The following GBGT1 variants were observed in gnomAD, a reference collection of about 807,000 sequenced individuals.
GBGT1 encodes globoside alpha-1,3-N-acetylgalactosaminyltransferase 1.
In GBGT1, 18 loss-of-function variants were observed where a neutral mutation model predicts 20.9. The ratio of observed to expected loss-of-function variants is 0.86; its 90% confidence interval spans 0.60 to 1.28. The LOEUF (loss-of-function observed/expected upper bound fraction) is 1.28, where lower values mean the gene tolerates loss of function less well. GBGT1 is among the 50% of genes most tolerant of loss of function. GBGT1 has a pLI of 0.00. For missense variants in GBGT1, 432 were observed against 455.7 expected, an observed-to-expected ratio of 0.95 and a Z score of 0.47; for synonymous variants, 168 against 180.8, an observed-to-expected ratio of 0.93 and a Z score of 0.57.
At chr9:133,159,547 C>T (rs1281067003) in intron 3 of GBGT1, among the ~76,000 whole-genome samples, 16 of 152,194 alleles carry the variant, frequency 1.1e-4, no homozygotes, top group African/African-American at 3.6e-4. Context: ...CCCGCAATCC[C>T]GGCAGGGGCG....
intron 2 of GBGT1, 23 bp from the exon 3 acceptor site, chr9:133,161,555 A>C: frequency 1.3e-6 from 2 of 1,560,820 alleles, no homozygotes; most frequent in Non-Finnish European, 1.8e-6. Flanking sequence ...AAAAGAAAAA[A>C]AATCTGTTGA....
intron 3 of GBGT1, among the ~76,000 whole-genome samples, chr9:133,156,960 G>A (rs1588586275): frequency 2.0e-5 from 3 of 152,288 alleles, no homozygotes; most frequent in Admixed American, 2.0e-4. Flanking sequence ...ACCTGGGTGG[G>A]ACCGATCCAA....
chr9:133,159,988 TA>T (rs61385460), intron 3 of GBGT1: 6,184 of 133,028 alleles, frequency 0.046, 219 homozygotes, highest in African/African-American at 0.11. Flanking sequence ...CTAGTAATAA[TA>T]AAAAAAAAAA....
chr9:133,162,207 G>A (rs1833071384), intron 2 of GBGT1, 135 bp downstream of exon 2: 3 of 510,818 alleles, frequency 5.9e-6, no homozygotes, highest in Middle Eastern at 5.0e-4. Flanking sequence ...AGAGACAGGG[G>A]GAGTCCTGGG....
chr9:133,155,085 G>C, intron 6 of GBGT1, 93 bp downstream of exon 6: 1 of 1,174,566 alleles, frequency 8.5e-7, no homozygotes, highest in Non-Finnish European at 1.2e-6. Context: ...TGCCCAGCAG[G>C]GTCCTGTGTG....
intron 1 of GBGT1, 121 bp from the exon 2 acceptor site, chr9:133,162,653 G>A: frequency 3.7e-6 from 2 of 535,380 alleles, no homozygotes; most frequent in Non-Finnish European, 6.7e-6. Flanking sequence ...CGATTCTCTT[G>A]TCTCAGCCTC....
chr9:133,160,362 G>A (rs1048006852), intron 3 of GBGT1: 7 of 151,950 alleles, frequency 4.6e-5, no homozygotes, highest in African/African-American at 1.7e-4. Flanking sequence ...CAATCAGCAA[G>A]GTAGGTTCAT....
In GBGT1 at chr9:133,161,549, G is replaced by GA. The variant is rs1833044358; in HGVS notation, c.72-18dup. On this transcript the variant is annotated splice_polypyrimidine_tract_variant and intron_variant, in intron 2 of 6. Transcript: ENST00000372040. ...AGATACACCCTGTGAATAAAAAAAA[G>GA]AAAAAAAATCTGTTGATCCACTCTG... The GA allele has an allele frequency of 1.7e-5, 26 of 1,571,026 alleles. No individual in the cohort carries two copies. Among genetic ancestry groups the GA allele is most frequent in the Middle Eastern group, 1.7e-4 (1 of 5,916 alleles).
At chr9:133,158,397 G>C (rs1016297733) in intron 3 of GBGT1, among the ~76,000 whole-genome samples, 1 of 152,124 alleles carries the variant, frequency 6.6e-6, no homozygotes, top group African/African-American at 2.4e-5. Flanking sequence ...TCCCACACCA[G>C]CACCCTGAGG....
chr9:133,155,121 C>T, intron 6 of GBGT1, 57 bp downstream of exon 6: 3 of 1,540,248 alleles, frequency 1.9e-6, no homozygotes, highest in Non-Finnish European at 2.7e-6. Flanking sequence ...CTCTTCCCAA[C>T]TATAAACTCC....
chr9:133,157,054 C>T (rs570444359), intron 3 of GBGT1, among the ~76,000 whole-genome samples: 4 of 152,270 alleles, frequency 2.6e-5, no homozygotes, highest in South Asian at 2.1e-4. Flanking sequence ...GGGCCCAACG[C>T]GGGCAAAGCG....
intron 5 of GBGT1, 43 bp downstream of exon 5, chr9:133,155,858 G>T: frequency 1.2e-6 from 2 of 1,605,072 alleles, no homozygotes; most frequent in South Asian, 1.1e-5. Context: ...GAGCTCTTTT[G>T]TCCTTTTCCC....
chr9:133,155,348 C>T, intron 5 of GBGT1, 36 bp from the exon 6 acceptor site: 2 of 1,612,182 alleles, frequency 1.2e-6, no homozygotes, highest in African/African-American at 1.3e-5. Context: ...TGAGACCCTC[C>T]CCTGTGAAAG....
At chr9:133,158,381 C>T (rs1448863736) in intron 3 of GBGT1, among the ~76,000 whole-genome samples, 2 of 152,036 alleles carry the variant, frequency 1.3e-5, no homozygotes, top group Non-Finnish European at 2.9e-5. Context: ...TGAGCTCAAG[C>T]GGTCCTCCCA....
rs199706404 is a variant in GBGT1 at position 133,162,344 on chromosome 9, C to T, written c.69G>A (p.Leu23=). 51 of 1,610,392 alleles carry T rather than the reference C, an allele frequency of 3.2e-5. No homozygotes were observed. In the African/African-American group the frequency reaches 5.7e-4, roughly 18 times the overall value. The change falls in exon 2 of 7, where the codon CTG becomes CTA. Residue 23 remains leucine, a splice_region_variant and synonymous_variant. Coordinates refer to ENST00000372040, the MANE Select transcript of GBGT1 (RefSeq NM_021996.6). The part of the protein sequence containing the change: ...CLLAGTSLSV[L]WVYLENWLPV... ...GGAGCTCCGTGGGGCAGACTCACCA[C>T]AGGACACTGAGGCTTGTGCCCGCCA... is the stretch of plus-strand genomic sequence containing the variant.
In GBGT1 at chr9:133,162,521, TC is replaced by T; in HGVS notation, c.-110del. On this transcript the variant is annotated 5_prime_UTR_variant, in exon 2 of 7. Coordinates refer to ENST00000372040, the MANE Select transcript of GBGT1 (RefSeq NM_021996.6). ...CAGGCTCTGAGCCTGGTCTCTGAGG[TC>T]CCAGGAACACCTGCAAAGGAACACT... 2 of 842,004 alleles carry T rather than the reference TC, an allele frequency of 2.4e-6. No individual in the cohort carries two copies. The highest frequency in any genetic ancestry group is 4.0e-6 in the Non-Finnish European group (2 of 506,034). 52.2% of individuals were successfully genotyped at this position (842,004 alleles called of 1,614,324 possible).
chr9:133,153,511 C>A lies in GBGT1; in HGVS notation c.*66G>T, dbSNP rs544092427. 9.1e-6 allele frequency: 11 copies of A among 1,211,504 alleles called. No homozygotes were observed. The African/African-American group carries it at 1.4e-4, about 15-fold the overall frequency. 75.0% of individuals were successfully genotyped at this position (1,211,504 alleles called of 1,614,324 possible). ...GGAGGCGGGACAGGGCTGGTCTGCA[C>A]GCTAGTGAAGCACTGGTGGCTGCAG... is the stretch of plus-strand genomic sequence containing the variant. On this transcript the variant is annotated 3_prime_UTR_variant, in exon 7 of 7. Transcript: ENST00000372040.
intron 3 of GBGT1, among the ~76,000 whole-genome samples, chr9:133,156,355 AAAG>A (rs533749514): frequency 3.2e-4 from 48 of 152,260 alleles, no homozygotes; most frequent in Non-Finnish European, 4.0e-4. Flanking sequence ...TCGTTGTCGG[AAAG>A]AAGATGTGAA....
chr9:133,159,640 A>C (rs1832973288), intron 3 of GBGT1, among the ~76,000 whole-genome samples: 1 of 152,102 alleles, frequency 6.6e-6, no homozygotes, highest in South Asian at 2.1e-4. Context: ...ACAAATAAAA[A>C]AAAATTAGCT....
Sources: gnomAD v4.1 joint callset for allele counts (sites outside exome capture counted in the v4.1 genomes callset) on GRCh38, gnomAD v4.1.1 for gene constraint, MANE v1.5 for transcripts, NCBI Gene and HGNC (gene_info 2026-07-23, HGNC 2026-07-21) for gene names.